DIRAS3: variants seen among roughly 807,000 people sequenced by gnomAD.
The protein encoded by DIRAS3 is GTP-binding protein Di-Ras3.
For missense variants in DIRAS3, 248 were observed against 300.6 expected, an observed-to-expected ratio of 0.83 and a Z score of 1.29; for synonymous variants, 133 against 131.4, an observed-to-expected ratio of 1.01 and a Z score of -0.08.
chr1:68,048,564 A>G (rs1456403178), intron 1 of DIRAS3, among the ~76,000 whole-genome samples: 1 of 152,144 alleles, frequency 6.6e-6, no homozygotes, highest in Non-Finnish European at 1.5e-5. Context: ...CAATACCAGA[A>G]AGAGAAGAGA....
intron 1 of DIRAS3, among the ~76,000 whole-genome samples, chr1:68,048,047 A>AAAAAT (rs1557689623): frequency 5.0e-5 from 1 of 20,172 alleles, no homozygotes; most frequent in Non-Finnish European, 9.2e-5. Context: ...AAAAAAAAAA[A>AAAAAT]AAATATATAT....
rs1055274713 is a variant in DIRAS3 at position 68,047,164 on chromosome 1, G to C, written c.134C>G (p.Thr45Ser). The C allele has an allele frequency of 2.5e-6, 4 of 1,614,044 alleles. No homozygotes were observed. The highest frequency in any genetic ancestry group is 1.3e-5 in the African/African-American group (1 of 74,928). The change falls in exon 2 of 2, where the codon ACC (threonine) becomes AGC (serine). Residue 45 changes from threonine to serine, a missense_variant. Coordinates refer to ENST00000646789, the MANE Select transcript of DIRAS3 (RefSeq NM_004675.5). ...IRDYRVVVVG[T>S]AGVGKSTLLH... is the part of the protein sequence containing the mutation. ...CAGCGTACTTTTCCCCACACCAGCG[G>C]TGCCGACTACCACGACGCGGTAATC... is the stretch of plus-strand genomic sequence containing the variant.
chr1:68,047,137 A>C lies in DIRAS3; in HGVS notation c.161T>G (p.Leu54Arg). 1 of 1,614,188 alleles carries C rather than the reference A, an allele frequency of 6.2e-7. No homozygotes were observed. Among genetic ancestry groups the C allele is most frequent in the Non-Finnish European group, 8.5e-7 (1 of 1,180,022 alleles). Reference sequence around the variant, plus strand: ...GAAGTTGCCGCTCGCCCACTTGTGCAGCAGCGTACTTTTCCCCACACCAGC... The same window carrying C: ...GAAGTTGCCGCTCGCCCACTTGTGCCGCAGCGTACTTTTCCCCACACCAGC... ...GTAGVGKSTL[L>R]HKWASGNFRH... The change falls in exon 2 of 2, where the codon CTG becomes CGG. Residue 54 changes from leucine (L) to arginine (R), a missense_variant. By Grantham distance (102) the Leu-to-Arg change is moderately radical. Transcript: ENST00000646789.
In DIRAS3 at chr1:68,050,304, T is replaced by A. The variant is rs1020656082; in HGVS notation, c.-66+244A>T. Among the ~76,000 whole-genome samples, 1 of 152,156 alleles carries A rather than the reference T, an allele frequency of 6.6e-6. No individual in the cohort carries two copies. The highest frequency in any genetic ancestry group is 6.5e-5 in the Admixed American group (1 of 15,278). On this transcript the variant is annotated intron_variant, in intron 1 of 1. Coordinates refer to ENST00000646789, the MANE Select transcript of DIRAS3 (RefSeq NM_004675.5). The surrounding 1 kb of genome is among the most constrained non-coding windows in gnomAD (Gnocchi z 4.5). Reference sequence around the variant, plus strand: ...GTCAACCTTTAAGCTCGCACACTTATCAAACCTCGTTCTTCTATATTAAAA... The same window carrying A: ...GTCAACCTTTAAGCTCGCACACTTAACAAACCTCGTTCTTCTATATTAAAA...
Position 68,047,009 on chromosome 1 carries a change from C to A in DIRAS3, c.289G>T (p.Gly97Cys), listed in dbSNP as rs764877709. ...LHITDSKSGD[G>C]NRALQRHVIA... ...ACGTGGCGCTGCAGAGCGCGGTTGCCGTCGCCACTCTTGCTGTCGGTGATG... is the reference window on the plus strand; with the variant it reads ...ACGTGGCGCTGCAGAGCGCGGTTGCAGTCGCCACTCTTGCTGTCGGTGATG... Residue 97 changes from glycine to cysteine, a missense_variant, in exon 2 of 2, where the codon GGC becomes TGC. Gly to Cys is a radical substitution (Grantham distance 159). Coordinates refer to ENST00000646789, the MANE Select transcript of DIRAS3 (RefSeq NM_004675.5). The A allele has an allele frequency of 6.2e-7, 1 of 1,614,142 alleles. No individual in the cohort carries two copies. The highest frequency in any genetic ancestry group is 8.5e-7 in the Non-Finnish European group (1 of 1,180,032).
At position 68,049,970 on chromosome 1, in the gene DIRAS3, C is replaced by G. The variant is rs138551364; in HGVS notation, c.-66+578G>C. 5.7e-3 allele frequency among the ~76,000 whole-genome samples: 852 copies of G among 148,848 alleles called. 9 individuals carry two copies. Among genetic ancestry groups the G allele is most frequent in the Middle Eastern group, 0.014 (4 of 292 alleles). Reference sequence around the variant, plus strand: ...ATTCTCAGGCAGTGGACCCCCCCCCCCACTCCCCTCCACACTCCTTCCACC... The same window carrying G: ...ATTCTCAGGCAGTGGACCCCCCCCCGCACTCCCCTCCACACTCCTTCCACC... On this transcript the variant is annotated intron_variant, in intron 1 of 1. Coordinates refer to ENST00000646789, the MANE Select transcript of DIRAS3 (RefSeq NM_004675.5).
Position 68,046,442 on chromosome 1 carries a change from T to TG in DIRAS3, c.*165dup, listed in dbSNP as rs1645673024. Reference sequence around the variant, plus strand: ...TTTTAACAATTTGAATTCTCTGGCCTGGGAAAAAGAAAAGTTATCCACTTA... The same window carrying TG: ...TTTTAACAATTTGAATTCTCTGGCCTGGGGAAAAAGAAAAGTTATCCACTTA... On this transcript the variant is annotated 3_prime_UTR_variant, in exon 2 of 2. Coordinates refer to ENST00000646789, the MANE Select transcript of DIRAS3 (RefSeq NM_004675.5). The TG allele has an allele frequency of 3.2e-6, 2 of 625,446 alleles. No individual in the cohort carries two copies. The highest frequency in any genetic ancestry group is 5.6e-5 in the East Asian group (2 of 35,404). The allele number at this position is 625,446 out of a possible 1,614,324, so 38.7% of individuals were successfully genotyped here.
rs1645673994 is a variant in DIRAS3 at position 68,046,518 on chromosome 1, A to C, written c.*90T>G. 3 of 1,268,544 alleles carry C rather than the reference A, an allele frequency of 2.4e-6. No homozygotes were observed. The Admixed American group carries it at 6.5e-5, about 27-fold the overall frequency. 78.6% of individuals were successfully genotyped at this position (1,268,544 alleles called of 1,614,324 possible). A position where few individuals can be genotyped will look rare whatever the true frequency, so the allele number is the denominator to read the frequency against. ...ATGTTACAGTCCAAACAACAGCACA[A>C]AATCAACCATGTACATGTAACATAG... On this transcript the variant is annotated 3_prime_UTR_variant, in exon 2 of 2. Transcript: ENST00000646789.
intron 1 of DIRAS3, among the ~76,000 whole-genome samples, chr1:68,048,729 TG>T (rs1645703229): frequency 6.9e-6 from 1 of 145,152 alleles, no homozygotes; most frequent in African/African-American, 2.7e-5. Context: ...GTTTTGGTGG[TG>T]GTTTTTTTTT....
At position 68,050,382 on chromosome 1, in the gene DIRAS3, G is replaced by A. The variant is rs917376274; in HGVS notation, c.-66+166C>T. ...AAAGTGCAGTTGCAGGACCTGCCAG[G>A]AGCCCGCAGGGCTGCGGGTGGTTCT... On this transcript the variant is annotated intron_variant, in intron 1 of 1. Transcript: ENST00000646789. The surrounding 1 kb of genome is among the most constrained non-coding windows in gnomAD (Gnocchi z 4.5). 6.6e-6 allele frequency among the ~76,000 whole-genome samples: 1 copy of A among 152,186 alleles called. No homozygotes were observed. Among genetic ancestry groups the A allele is most frequent in the Admixed American group, 6.5e-5 (1 of 15,282 alleles).
At chr1:68,047,592 T>C (rs1363354573) in intron 1 of DIRAS3, among the ~76,000 whole-genome samples, 1 of 152,316 alleles carries the variant, frequency 6.6e-6, no homozygotes, top group Admixed American at 6.5e-5. Flanking sequence ...TTTTACCATC[T>C]AGAAAGTGCA....
Position 68,046,513 on chromosome 1 carries a change from G to T in DIRAS3, c.*95C>A. Reference sequence around the variant, plus strand: ...CATGGATGTTACAGTCCAAACAACAGCACAAAATCAACCATGTACATGTAA... The same window carrying T: ...CATGGATGTTACAGTCCAAACAACATCACAAAATCAACCATGTACATGTAA... On this transcript the variant is annotated 3_prime_UTR_variant, in exon 2 of 2. Coordinates refer to ENST00000646789, the MANE Select transcript of DIRAS3 (RefSeq NM_004675.5). 8.3e-7 allele frequency: 1 copy of T among 1,205,876 alleles called. No individual in the cohort carries two copies. The highest frequency in any genetic ancestry group is 1.2e-6 in the Non-Finnish European group (1 of 853,108). The allele number at this position is 1,205,876 out of a possible 1,614,324, so 74.7% of individuals were successfully genotyped here. A position where few individuals can be genotyped will look rare whatever the true frequency, so the allele number is the denominator to read the frequency against.
intron 1 of DIRAS3, among the ~76,000 whole-genome samples, chr1:68,048,049 A>AAAAAAAATATATATATAT (rs1553173941): frequency 1.4e-4 from 1 of 7,274 alleles, no homozygotes; most frequent in African/African-American, 4.8e-4. Context: ...AAAAAAAAAA[A>AAAAAAAATATATATATAT]ATATATATAT....
Position 68,046,612 on chromosome 1 carries a change from A to G in DIRAS3, c.686T>C (p.Met229Thr). The G allele has an allele frequency of 6.2e-7, 1 of 1,613,660 alleles. No individual in the cohort carries two copies. The highest frequency in any genetic ancestry group is 8.5e-7 in the Non-Finnish European group (1 of 1,179,856). The change falls in exon 2 of 2, where the codon ATG becomes ACG. Residue 229 changes from methionine (M) to threonine (T), a missense_variant. Coordinates refer to ENST00000646789, the MANE Select transcript of DIRAS3 (RefSeq NM_004675.5). ...TEKLLDKCII[M>T] is the part of the protein sequence containing the mutation. ...CTGGCTCTTAAGGCCCAGGGCTCAC[A>G]TGATTATGCACTTGTCAAGCAGCTT...
chr1:68,047,764 G>A (rs991115823), intron 1 of DIRAS3, among the ~76,000 whole-genome samples: 2 of 151,582 alleles, frequency 1.3e-5, no homozygotes, highest in Non-Finnish European at 2.9e-5. Context: ...CCCACTCTAT[G>A]GGGCTGAATG....
Position 68,046,777 on chromosome 1 carries a change from T to A in DIRAS3, c.521A>T (p.Asn174Ile). Residue 174 changes from asparagine to isoleucine, a missense_variant, in exon 2 of 2, where the codon AAT (asparagine) becomes ATT (isoleucine). Physicochemically the swap from Asn to Ile is moderately radical, Grantham distance 149 (BLOSUM62 -3). Coordinates refer to ENST00000646789, the MANE Select transcript of DIRAS3 (RefSeq NM_004675.5). ...GGCTGAAATCTCCATGAAGGCGCAA[T>A]TCCACTCCATCGCACAGGTGGCACC... is the stretch of plus-strand genomic sequence containing the variant. ...NDGATCAMEW[N>I]CAFMEISAKT... 1 of 1,614,164 alleles carries A rather than the reference T, an allele frequency of 6.2e-7. No individual in the cohort carries two copies. Among genetic ancestry groups the A allele is most frequent in the South Asian group, 1.1e-5 (1 of 91,076 alleles).
Position 68,046,569 on chromosome 1 carries a change from G to T in DIRAS3, c.*39C>A, listed in dbSNP as rs749688192. The T allele has an allele frequency of 2.2e-5, 34 of 1,571,172 alleles. No homozygotes were observed. The East Asian group carries it at 6.9e-4, about 32-fold the overall frequency. The stretch of plus-strand genomic sequence containing the variant: ...TGAAATGAGTCCACGTTTTCTACAC[G>T]CTACAGGATAGGAAGAGCTGGCTCT... On this transcript the variant is annotated 3_prime_UTR_variant, in exon 2 of 2. Transcript: ENST00000646789.
intron 1 of DIRAS3, among the ~76,000 whole-genome samples, chr1:68,048,849 C>T (rs1029229388): frequency 6.6e-6 from 1 of 150,862 alleles, no homozygotes; most frequent in Non-Finnish European, 1.5e-5. Context: ...AATCAATCCT[C>T]TCACCTCAGC....
At chr1:68,048,059 T>A (rs1235508282) in intron 1 of DIRAS3, among the ~76,000 whole-genome samples, 22 of 92,258 alleles carry the variant, frequency 2.4e-4, no homozygotes, top group African/African-American at 6.8e-4. Context: ...AATATATATA[T>A]ATATATATAT....
Sources: allele counts gnomAD v4.1 joint callset (sites outside exome capture counted in the v4.1 genomes callset), GRCh38; gene constraint gnomAD v4.1.1; non-coding constraint Gnocchi (gnomAD v3.1); transcripts MANE v1.5; gene names NCBI Gene and HGNC (gene_info 2026-07-23, HGNC 2026-07-21).